Variants in PRKCQ observed in about 807,000 individuals in gnomAD.
The protein encoded by PRKCQ is protein kinase C theta, also known as protein kinase C theta type.
Under a neutral mutation model 91.2 loss-of-function variants are expected in PRKCQ, and 41 were observed. The ratio of observed to expected loss-of-function variants is 0.45; its 90% CI spans 0.35 to 0.58. The LOEUF (loss-of-function observed/expected upper bound fraction) is 0.58. Ranked by LOEUF, PRKCQ falls within the 20% of genes least tolerant of loss-of-function variation. PRKCQ has a pLI of 0.00. For missense variants in PRKCQ, 673 were observed against 896.5 expected, an observed-to-expected ratio of 0.75 and a Z score of 3.18; for synonymous variants, 307 against 316.9, an observed-to-expected ratio of 0.97 and a Z score of 0.33.
Position 6,479,071 on chromosome 10 carries a change from G to A in PRKCQ, c.1274C>T (p.Thr425Met), listed in dbSNP as rs1836433661. The A allele has an allele frequency of 6.2e-7, 1 of 1,614,174 alleles. No individual in the cohort carries two copies. Residue 425 changes from threonine (T) to methionine (M), a missense_variant, in exon 12 of 18, where the codon ACG (threonine) becomes ATG (methionine). By Grantham distance (81) the Thr-to-Met change is moderately conservative. Coordinates refer to ENST00000263125, the MANE Select transcript of PRKCQ (RefSeq NM_006257.5). Reference protein sequence around the residue: ...VVLMDDDVECTMVEKRVLSLA... With the variant: ...VVLMDDDVECMMVEKRVLSLA... ...GGAAAGAACTCTCTTCTCTACCATC[G>A]TGCACTCAACATCATCGTCCATCAA...
intron 1 of PRKCQ, among the ~76,000 whole-genome samples, chr10:6,532,879 A>T (rs1024794057): frequency 3.3e-5 from 5 of 152,208 alleles, no homozygotes; most frequent in Non-Finnish European, 7.3e-5. Flanking sequence ...AAGAAGCACT[A>T]TTCTGTGGAT....
chr10:6,575,687 G>A (rs1841203294), intron 1 of PRKCQ, among the ~76,000 whole-genome samples: 1 of 152,208 alleles, frequency 6.6e-6, no homozygotes, highest in Non-Finnish European at 1.5e-5. Context: ...GGCATTCAAT[G>A]ATTGGGTAAA....
chr10:6,577,788 A>C (rs929982255), intron 1 of PRKCQ, among the ~76,000 whole-genome samples: 1 of 152,228 alleles, frequency 6.6e-6, no homozygotes, highest in African/African-American at 2.4e-5. Flanking sequence ...AAAAACAGGA[A>C]GTACTAACTC....
chr10:6,511,142 G>A lies in PRKCQ; in HGVS notation c.171C>T (p.Asp57=), dbSNP rs1838455613. The A allele has an allele frequency of 1.2e-6, 2 of 1,613,950 alleles. No homozygotes were observed. Among genetic ancestry groups the A allele is most frequent in the Non-Finnish European group, 1.7e-6 (2 of 1,180,020 alleles). ...TGTTGATATGGGCATCAAAAGTGCT[G>A]TCCCAGGGTGGGTACATGGTAGGCT... ...QKKPTMYPPW[D]STFDAHINKG... is the part of the protein sequence containing the mutation. The change falls in exon 3 of 18, where the codon GAC becomes GAT. Residue 57 remains aspartate, a synonymous_variant. Transcript: ENST00000263125.
intron 14 of PRKCQ, among the ~76,000 whole-genome samples, chr10:6,458,713 C>A (rs530814298): frequency 2.6e-4 from 39 of 152,258 alleles, no homozygotes; most frequent in African/African-American, 7.9e-4. Context: ...ATGACACTTG[C>A]CTTGCTTGTC....
At chr10:6,495,606 G>A (rs1013156616) in intron 7 of PRKCQ, among the ~76,000 whole-genome samples, 2 of 152,168 alleles carry the variant, frequency 1.3e-5, no homozygotes, top group Non-Finnish European at 2.9e-5. Flanking sequence ...ATACATAGCT[G>A]TTTATTATCT....
chr10:6,477,298 G>A (rs1836321172), intron 12 of PRKCQ, among the ~76,000 whole-genome samples: 1 of 152,198 alleles, frequency 6.6e-6, no homozygotes, highest in Non-Finnish European at 1.5e-5. Context: ...ATATACTTCT[G>A]TATCCTCCAC....
At position 6,517,154 on chromosome 10, in the gene PRKCQ, G is replaced by A. The variant is rs1174263144; in HGVS notation, c.-9-2010C>T. Among the ~76,000 whole-genome samples, 5 of 152,040 alleles carry A rather than the reference G, an allele frequency of 3.3e-5. No homozygotes were observed. The East Asian group carries it at 7.7e-4, about 23-fold the overall frequency. On this transcript the variant is annotated intron_variant, in intron 1 of 17. Coordinates refer to ENST00000263125, the MANE Select transcript of PRKCQ (RefSeq NM_006257.5). ...GTGAGTTTTTCAGGCAGATGGCAGCGTTTTACACCCGAACTACACAGAGTG... is the reference window on the plus strand; with the variant it reads ...GTGAGTTTTTCAGGCAGATGGCAGCATTTTACACCCGAACTACACAGAGTG...
intron 2 of PRKCQ, among the ~76,000 whole-genome samples, chr10:6,513,504 G>A (rs909300376): frequency 1.3e-5 from 2 of 149,238 alleles, no homozygotes; most frequent in African/African-American, 4.9e-5. Context: ...ACCTGAGATG[G>A]TAAAGAGAAC....
At chr10:6,409,804 T>C in the PRKCQ span, among the ~76,000 whole-genome samples, 2,460 of 152,298 alleles carry the variant, frequency 0.016, 49 homozygotes, top group Middle Eastern at 0.051. Flanking sequence ...ATCATTTTCA[T>C]GGAATGGGAA....
chr10:6,415,251 C>T, the PRKCQ span, among the ~76,000 whole-genome samples: 3 of 151,764 alleles, frequency 2.0e-5, no homozygotes, highest in African/African-American at 4.8e-5. Flanking sequence ...GTGTGAGCCA[C>T]TGCGCCTGGC....
rs201785227 is a variant in PRKCQ, at chr10:6,522,162, GA to G, written c.-9-7019del. Among the ~76,000 whole-genome samples the G allele has an allele frequency of 6.0e-3, 914 of 152,198 alleles. 12 individuals carry two copies. The highest frequency in any genetic ancestry group is 0.021 in the African/African-American group (875 of 41,528). On this transcript the variant is annotated intron_variant, in intron 1 of 17. Transcript: ENST00000263125. ...TCACCATGCTGGCTAGGCTGGTCTT[GA>G]ACTCCTGACCTCAGGTGATCCATCC...
At chr10:6,572,652 T>C (rs1257097644) in intron 1 of PRKCQ, among the ~76,000 whole-genome samples, 3 of 152,260 alleles carry the variant, frequency 2.0e-5, no homozygotes, top group Admixed American at 2.0e-4. Context: ...TTTGGGTTGA[T>C]GCCATGTCTT....
chr10:6,489,811 T>C (rs569579897), intron 8 of PRKCQ, among the ~76,000 whole-genome samples: 1 of 151,156 alleles, frequency 6.6e-6, no homozygotes, highest in Non-Finnish European at 1.5e-5. Flanking sequence ...AAGGAAAGAG[T>C]ATTCAAGGAA....
intron 7 of PRKCQ, among the ~76,000 whole-genome samples, chr10:6,492,125 G>A (rs961178394): frequency 3.9e-5 from 6 of 152,000 alleles, no homozygotes; most frequent in African/African-American, 1.4e-4. Context: ...TTTAAAAAGT[G>A]CTAAGGAAAC....
the PRKCQ span, among the ~76,000 whole-genome samples, chr10:6,395,475 C>T: frequency 6.6e-6 from 1 of 152,052 alleles, no homozygotes; most frequent in African/African-American, 2.4e-5. Flanking sequence ...ACCAGCTGAT[C>T]CATCAAGTGC....
At chr10:6,496,411 G>T (rs1477249594) in intron 7 of PRKCQ, among the ~76,000 whole-genome samples, 1 of 151,916 alleles carries the variant, frequency 6.6e-6, no homozygotes, top group African/African-American at 2.4e-5. Context: ...AGAAATATTT[G>T]CTTCTCAACA....
At chr10:6,555,816 C>G (rs923298472) in intron 1 of PRKCQ, among the ~76,000 whole-genome samples, 11 of 152,170 alleles carry the variant, frequency 7.2e-5, no homozygotes, top group African/African-American at 2.6e-4. Flanking sequence ...TCAAGTCTAG[C>G]CTAACTAACA....
Position 6,430,836 on chromosome 10 carries a change from TCTC to T in PRKCQ, c.1936_1938del (p.Glu646del). 6.2e-7 allele frequency: 1 copy of T among 1,614,084 alleles called. No homozygotes were observed. The highest frequency in any genetic ancestry group is 8.5e-7 in the Non-Finnish European group (1 of 1,179,998). ...ACTTTCGGCCGGAACGGTGGGTCAA[TCTC>T]CTTCCGTTCAAGTTCCTCCCAGTTG... On this transcript the variant is annotated inframe_deletion, in exon 17 of 18. Coordinates refer to ENST00000263125, the MANE Select transcript of PRKCQ (RefSeq NM_006257.5). The surrounding 1 kb of genome is among the most constrained non-coding windows in gnomAD (Gnocchi z 4.7).
Sources: allele counts gnomAD v4.1 joint callset (sites outside exome capture counted in the v4.1 genomes callset), GRCh38; gene constraint gnomAD v4.1.1; non-coding constraint Gnocchi (gnomAD v3.1); transcripts MANE v1.5; gene names NCBI Gene and HGNC (gene_info 2026-07-23, HGNC 2026-07-21).